The following RBFOX1 variants were observed in gnomAD, a reference collection of about 807,000 sequenced individuals.
RBFOX1 encodes RNA binding protein fox-1 homolog 1.
Under a neutral mutation model 57.7 loss-of-function variants are expected in RBFOX1, and 8 were observed. The observed-to-expected ratio is 0.14, with a 90% confidence interval of 0.08 to 0.25. RBFOX1 has a LOEUF of 0.25. Among genes scored for constraint, RBFOX1 ranks in the 10% least tolerant of loss-of-function variants. The pLI is 1.00. For synonymous variants in RBFOX1, 326 were observed against 222.4 expected (o/e 1.47, Z -4.15); for missense variants, 611 against 548.5 (o/e 1.11, Z -1.14).
intron 2 of RBFOX1, among the ~76,000 whole-genome samples, chr16:6,443,734 G>T (rs893386207): frequency 1.3e-5 from 2 of 152,060 alleles, no homozygotes; most frequent in African/African-American, 2.4e-5. Context: ...TGTTCATCCA[G>T]CCATCTTTCC....
chr16:6,838,021 T>C (rs74334689), intron 3 of RBFOX1, among the ~76,000 whole-genome samples: 1 of 145,034 alleles, frequency 6.9e-6, no homozygotes, highest in Non-Finnish European at 1.5e-5. Flanking sequence ...TTTTTTTTTT[T>C]CCATTTTACT....
chr16:5,295,209 G>A (rs2063636572), intron 1 of RBFOX1, among the ~76,000 whole-genome samples: 1 of 151,976 alleles, frequency 6.6e-6, no homozygotes, highest in Non-Finnish European at 1.5e-5. Context: ...CAGCATCACA[G>A]CCTGGCATAA....
At chr16:6,278,966 G>C (rs1231292614) in intron 1 of RBFOX1, among the ~76,000 whole-genome samples, 1 of 152,012 alleles carries the variant, frequency 6.6e-6, no homozygotes, top group East Asian at 1.9e-4. Context: ...AACAAGGTTT[G>C]TGTTCTATTT....
At chr16:5,364,666 A>G (rs2065656481) in intron 1 of RBFOX1, among the ~76,000 whole-genome samples, 1 of 152,154 alleles carries the variant, frequency 6.6e-6, no homozygotes, top group African/African-American at 2.4e-5. Flanking sequence ...TGTGCTCTAC[A>G]CGCATCTCGG....
intron 4 of RBFOX1, among the ~76,000 whole-genome samples, chr16:7,364,847 C>G (rs2097407620): frequency 6.6e-6 from 1 of 152,144 alleles, no homozygotes; most frequent in South Asian, 2.1e-4. Context: ...TTTCTGCTTA[C>G]TAACAAGGAA....
At chr16:7,356,473 G>T (rs2097216123) in intron 4 of RBFOX1, among the ~76,000 whole-genome samples, 1 of 152,116 alleles carries the variant, frequency 6.6e-6, no homozygotes, top group Non-Finnish European at 1.5e-5. Flanking sequence ...AAGAAGCCAG[G>T]ATGGCCAGGG....
At chr16:7,084,869 A>G (rs1265180092) in intron 4 of RBFOX1, among the ~76,000 whole-genome samples, 1 of 148,608 alleles carries the variant, frequency 6.7e-6, no homozygotes, top group African/African-American at 2.4e-5. Flanking sequence ...CTATCTATCT[A>G]TCCATCTATC....
intron 2 of RBFOX1, among the ~76,000 whole-genome samples, chr16:6,648,398 C>A (rs1052040386): frequency 4.4e-4 from 67 of 152,126 alleles, no homozygotes; most frequent in African/African-American, 1.6e-3. Flanking sequence ...GCAGACTCCA[C>A]GTTGACTAGG....
chr16:6,815,972 T>A (rs528883973), intron 3 of RBFOX1, among the ~76,000 whole-genome samples: 1 of 152,330 alleles, frequency 6.6e-6, no homozygotes, highest in South Asian at 2.1e-4. Flanking sequence ...AATATTAAGG[T>A]TGGCAAATCC....
chr16:6,991,435 G>A (rs2091436259), intron 3 of RBFOX1, among the ~76,000 whole-genome samples: 1 of 152,126 alleles, frequency 6.6e-6, no homozygotes, highest in African/African-American at 2.4e-5. Flanking sequence ...ATCCCATAGG[G>A]GAACTGACAC....
chr16:5,971,296 A>T (rs17718086), intron 4 of RBFOX1, among the ~76,000 whole-genome samples: 13,426 of 152,274 alleles, frequency 0.088, 658 homozygotes, highest in South Asian at 0.17. Context: ...AGTCCTTGTC[A>T]TGTGACAGGA....
intron 4 of RBFOX1, among the ~76,000 whole-genome samples, chr16:5,919,618 A>T (rs527520295): frequency 6.6e-6 from 1 of 152,318 alleles, no homozygotes; most frequent in South Asian, 2.1e-4. Context: ...TGCTGGGATT[A>T]TGCAAATTTT....
intron 1 of RBFOX1, among the ~76,000 whole-genome samples, chr16:6,222,833 T>C (rs6416811): frequency 0.96 from 145,752 of 151,570 alleles, 70,300 homozygotes; most frequent in East Asian, 1. Flanking sequence ...GTATATCTCC[T>C]AATGCTATCC....
At chr16:6,701,118 A>G (rs1194765623) in intron 3 of RBFOX1, among the ~76,000 whole-genome samples, 2 of 144,792 alleles carry the variant, frequency 1.4e-5, no homozygotes, top group Non-Finnish European at 3.0e-5. Flanking sequence ...AGAGTTTATC[A>G]GTGTCTCTGT....
At chr16:7,686,747 T>C (rs756870811) in intron 14 of RBFOX1, among the ~76,000 whole-genome samples, 1 of 152,140 alleles carries the variant, frequency 6.6e-6, no homozygotes, top group Admixed American at 6.6e-5. Context: ...ATACAGCTTA[T>C]ATGCAACAAA....
At chr16:7,571,819 C>T (rs532363387) in intron 5 of RBFOX1, among the ~76,000 whole-genome samples, 55 of 126,586 alleles carry the variant, frequency 4.3e-4, no homozygotes, top group Admixed American at 3.9e-3. Flanking sequence ...CAGAGTTGTG[C>T]ATGGCCTGAG....
rs141745765 is a variant in RBFOX1 at position 7,662,660 on chromosome 16, A to T, written c.891-2269A>T. On this transcript the variant is annotated intron_variant, in intron 12 of 15. Transcript: ENST00000550418. ...GCAGAAATTGACGAGTGGCTCTGAT[A>T]AGAGTCTGAAAAATGATGCTGGTGT... Among the ~76,000 whole-genome samples the T allele has an allele frequency of 2.7e-4, 41 of 152,294 alleles. No homozygotes were observed. In the East Asian group the frequency reaches 6.9e-3, roughly 26 times the overall value.
chr16:6,714,890 C>T (rs1002017789), intron 3 of RBFOX1, among the ~76,000 whole-genome samples: 1 of 151,992 alleles, frequency 6.6e-6, no homozygotes, highest in Non-Finnish European at 1.5e-5. Flanking sequence ...CTAGAAGGCA[C>T]CTGGAAATAA....
At chr16:6,003,936 C>G (rs1363237823) in intron 4 of RBFOX1, among the ~76,000 whole-genome samples, 3 of 152,170 alleles carry the variant, frequency 2.0e-5, no homozygotes, top group African/African-American at 4.8e-5. Flanking sequence ...AGTCTCCTGA[C>G]TTTGAAATGC....
Sources: gnomAD v4.1 joint callset for allele counts (sites outside exome capture counted in the v4.1 genomes callset) on GRCh38, gnomAD v4.1.1 for gene constraint, MANE v1.5 for transcripts, NCBI Gene and HGNC (gene_info 2026-07-23, HGNC 2026-07-21) for gene names.